IMPG1: variants seen among roughly 807,000 people sequenced by gnomAD.
IMPG1 encodes the protein interphotoreceptor matrix proteoglycan of 150 kDa.
In IMPG1, 85 loss-of-function variants were observed where a neutral mutation model predicts 92.0. The observed-to-expected ratio is 0.92, with a 90% CI of 0.78 to 1.11. IMPG1 has a LOEUF of 1.11. Ranked by LOEUF, IMPG1 falls within the 50% of genes least tolerant of loss-of-function variation. The pLI is 0.00. For missense variants in IMPG1, 1,022 were observed against 956.0 expected (o/e 1.07, Z -0.91); for synonymous variants, 367 against 334.1 (o/e 1.10, Z -1.08).
At chr6:75,962,029 A>G (rs1422392906) in intron 12 of IMPG1, among the ~76,000 whole-genome samples, 1 of 152,238 alleles carries the variant, frequency 6.6e-6, no homozygotes, top group Admixed American at 6.5e-5. Flanking sequence ...AAATGCAACC[A>G]GTTAAAAACT....
chr6:76,067,901 G>A (rs1031716885), intron 1 of IMPG1, among the ~76,000 whole-genome samples: 1 of 152,134 alleles, frequency 6.6e-6, no homozygotes, highest in Non-Finnish European at 1.5e-5. Flanking sequence ...ATCAATAAAT[G>A]TGATTCACAA....
chr6:76,037,846 G>A (rs1426108657), intron 2 of IMPG1, among the ~76,000 whole-genome samples: 3 of 152,222 alleles, frequency 2.0e-5, no homozygotes, highest in Non-Finnish European at 4.4e-5. Flanking sequence ...ATCTGTGTGT[G>A]AAACATCGGG....
intron 16 of IMPG1, among the ~76,000 whole-genome samples, chr6:75,922,649 A>G (rs1224282582): frequency 3.3e-5 from 5 of 152,196 alleles, no homozygotes; most frequent in Non-Finnish European, 5.9e-5. Flanking sequence ...AATGTGATCC[A>G]TAATTCTATC....
At chr6:75,952,777 C>T (rs1279789296) in intron 12 of IMPG1, among the ~76,000 whole-genome samples, 1 of 151,980 alleles carries the variant, frequency 6.6e-6, no homozygotes, top group Non-Finnish European at 1.5e-5. Flanking sequence ...AGAAGAGACT[C>T]AAGAGAGATG....
intron 15 of IMPG1, among the ~76,000 whole-genome samples, chr6:75,927,766 C>A (rs1781582532): frequency 7.5e-6 from 1 of 132,946 alleles, no homozygotes; most frequent in Non-Finnish European, 1.6e-5. Flanking sequence ...TTCCTCTCAT[C>A]TATTGCCCAG....
intron 13 of IMPG1, among the ~76,000 whole-genome samples, chr6:75,949,671 T>C (rs1407595879): frequency 4.6e-5 from 7 of 152,264 alleles, no homozygotes; most frequent in Middle Eastern, 3.4e-3. Flanking sequence ...CCCTTTTCTG[T>C]AACAGGTTCA....
At chr6:76,064,878 G>T (rs1320435647) in intron 1 of IMPG1, among the ~76,000 whole-genome samples, 3 of 152,098 alleles carry the variant, frequency 2.0e-5, no homozygotes, top group African/African-American at 4.8e-5. Context: ...CACAGTGCTG[G>T]CTTCCTGAGA....
chr6:76,024,874 T>C (rs572474558), intron 5 of IMPG1: 47 of 420,304 alleles, frequency 1.1e-4, no homozygotes, highest in African/African-American at 7.3e-4. Context: ...GAAAAAATGA[T>C]ACAAACTCTA....
chr6:76,019,273 A>T (rs1203604742), intron 6 of IMPG1, among the ~76,000 whole-genome samples: 1 of 152,136 alleles, frequency 6.6e-6, no homozygotes, highest in Non-Finnish European at 1.5e-5. Flanking sequence ...CTGAATTCAT[A>T]TGGGCTTCCA....
Position 75,950,915 on chromosome 6 carries a change from G to A in IMPG1, c.1471C>T (p.Gln491Ter). ...GGATGTGAAATTCCCAGAGCCAGTT[G>A]GCTGATTGCAGAATAATCACTGGTG... The part of the protein sequence containing the change: ...IPTSDYSAIS[Q>*]LALGISHPPA... The change falls in exon 13 of 17, where the codon CAA becomes TAA. Residue 491 changes from glutamine to a stop codon, truncating the protein, a stop_gained. Coordinates refer to ENST00000369950, the MANE Select transcript of IMPG1 (RefSeq NM_001563.4). LOFTEE classifies it high-confidence loss of function. 6.2e-7 allele frequency: 1 copy of A among 1,613,970 alleles called. No homozygotes were observed. The highest frequency in any genetic ancestry group is 8.5e-7 in the Non-Finnish European group (1 of 1,179,942).
intron 4 of IMPG1, among the ~76,000 whole-genome samples, chr6:76,028,600 C>A (rs556320457): frequency 7.2e-5 from 11 of 152,246 alleles, no homozygotes; most frequent in Middle Eastern, 3.4e-3. Flanking sequence ...GAGGCCGAGG[C>A]GGGTGGATCA....
At chr6:75,930,874 G>A in intron 15 of IMPG1, 79 bp downstream of exon 15, 1 of 1,282,766 alleles carries the variant, frequency 7.8e-7, no homozygotes, top group Non-Finnish European at 1.1e-6. Flanking sequence ...AGGACCATAT[G>A]AATTTACTCT....
intron 12 of IMPG1, among the ~76,000 whole-genome samples, chr6:75,976,514 T>C (rs916482954): frequency 2.0e-5 from 3 of 151,838 alleles, no homozygotes; most frequent in Non-Finnish European, 4.4e-5. Context: ...TGAGCTGACA[T>C]TGTGCCACTG....
In IMPG1 at chr6:75,947,627, A is replaced by G; in HGVS notation, c.1825-94T>C. ...ACTCACTTTTCATTAACCGAGACAT[A>G]TATTTTAGTTCCTTTTTATTATTTT... On this transcript the variant is annotated intron_variant, in intron 13 of 16. Coordinates refer to ENST00000369950, the MANE Select transcript of IMPG1 (RefSeq NM_001563.4). 3 of 832,000 alleles carry G rather than the reference A, an allele frequency of 3.6e-6. No individual in the cohort carries two copies. In the South Asian group the frequency reaches 5.3e-5, roughly 15 times the overall value. 51.5% of individuals were successfully genotyped at this position (832,000 alleles called of 1,614,324 possible).
In IMPG1 at chr6:76,011,190, T is replaced by C; in HGVS notation, c.842A>G (p.Lys281Arg). 1 of 1,552,692 alleles carries C rather than the reference T, an allele frequency of 6.4e-7. No homozygotes were observed. The highest frequency in any genetic ancestry group is 1.7e-4 in the Middle Eastern group (1 of 5,886). ...CCTAAATCCTAACACATGGATTTTT[T>C]TGAATCCTGGAAGTTTCTTAAATAT... ...QKIFKKLPGFKKIHVLGFRPK... is the reference protein window; with the variant it reads ...QKIFKKLPGFRKIHVLGFRPK... Residue 281 changes from lysine (K) to arginine (R), a missense_variant, in exon 8 of 17, where the codon AAA becomes AGA. Around this residue, in one of 3 missense-constraint regions of IMPG1, gnomAD observed 681 missense variants for 583.6 expected, o/e 1.17. Transcript: ENST00000369950.
At chr6:76,050,269 A>G (rs1000635615) in intron 1 of IMPG1, among the ~76,000 whole-genome samples, 4 of 152,058 alleles carry the variant, frequency 2.6e-5, no homozygotes, top group Non-Finnish European at 4.4e-5. Context: ...GTGAAAACCC[A>G]TCTCTACTAA....
chr6:75,956,351 C>T (rs1394790976), intron 12 of IMPG1, among the ~76,000 whole-genome samples: 11 of 152,242 alleles, frequency 7.2e-5, no homozygotes, highest in Admixed American at 2.0e-4. Flanking sequence ...AGGAATTTAT[C>T]CATTTTGTCT....
chr6:76,012,451 C>T (rs1361131518), intron 7 of IMPG1, among the ~76,000 whole-genome samples: 1 of 152,238 alleles, frequency 6.6e-6, no homozygotes, highest in African/African-American at 2.4e-5. Context: ...CTTCAGCCTC[C>T]TGCTTCACTC....
At chr6:75,925,388 C>CTA (rs376457500) in intron 15 of IMPG1, among the ~76,000 whole-genome samples, 15 of 151,248 alleles carry the variant, frequency 9.9e-5, no homozygotes, top group African/African-American at 1.5e-4. Flanking sequence ...AGCTATCTTC[C>CTA]TATATATATA....
Sources: gnomAD v4.1 joint callset for allele counts (sites outside exome capture counted in the v4.1 genomes callset) on GRCh38, gnomAD v4.1.1 for gene constraint, gnomAD v4.1.1 regional missense constraint, MANE v1.5 for transcripts, NCBI Gene and HGNC (gene_info 2026-07-23, HGNC 2026-07-21) for gene names.